Variants in SLC12A8 observed in about 807,000 individuals in gnomAD.
The protein encoded by SLC12A8 is cation-chloride cotransporter 9.
A neutral mutation model predicts 75.6 loss-of-function variants in SLC12A8; 69 were observed. The observed-to-expected ratio is 0.91, with a 90% CI of 0.75 to 1.11. The LOEUF is 1.11. Among genes scored for constraint, SLC12A8 ranks in the 50% most tolerant of loss-of-function variants. The pLI, the probability that SLC12A8 is intolerant of heterozygous loss-of-function variation, is 0.00. For missense variants in SLC12A8, 877 were observed against 896.7 expected, an observed-to-expected ratio of 0.98 and a Z score of 0.28; for synonymous variants, 365 against 372.8, an observed-to-expected ratio of 0.98 and a Z score of 0.24.
rs1460221372 is a variant in SLC12A8 at position 125,190,499 on chromosome 3, G to A, written c.74C>T (p.Pro25Leu). ...CATGAACAGCTGGGTCTTCCACCAG[G>A]GCTGGGGCTGGGCCAGGGCATCCTG... Reference protein sequence around the residue: ...AQQDALAQPQPWWKTQLFMWE... With the variant: ...AQQDALAQPQLWWKTQLFMWE... Residue 25 changes from proline to leucine, a missense_variant, in exon 3 of 14, where the codon CCC becomes CTC. Coordinates refer to ENST00000469902, the MANE Select transcript of SLC12A8 (RefSeq NM_024628.6). 5.6e-6 allele frequency: 9 copies of A among 1,614,180 alleles called. No homozygotes were observed. In the East Asian group the frequency reaches 2.0e-4, roughly 36 times the overall value.
chr3:125,125,191 A>C (rs967112104), intron 6 of SLC12A8, among the ~76,000 whole-genome samples: 2 of 151,318 alleles, frequency 1.3e-5, no homozygotes, highest in African/African-American at 2.4e-5. Context: ...TTTGGGAAAC[A>C]CTCAGTGCCC....
At chr3:125,149,850 AG>A (rs1227176637) in intron 5 of SLC12A8, among the ~76,000 whole-genome samples, 2 of 152,196 alleles carry the variant, frequency 1.3e-5, no homozygotes, top group Non-Finnish European at 2.9e-5. Flanking sequence ...GAGGGAGAGC[AG>A]GTGGATTTTG....
chr3:125,095,759 T>A (rs1333189581), intron 10 of SLC12A8, among the ~76,000 whole-genome samples: 1 of 152,254 alleles, frequency 6.6e-6, no homozygotes, highest in African/African-American at 2.4e-5. Context: ...GGCAGGAGCC[T>A]GGATCCCTGA....
chr3:125,084,880 G>A (rs895854818), intron 13 of SLC12A8, among the ~76,000 whole-genome samples: 14 of 152,118 alleles, frequency 9.2e-5, no homozygotes, highest in Admixed American at 3.9e-4. Context: ...CCTTAGACAT[G>A]GATTTCCTCT....
At chr3:125,176,955 C>T (rs1288246770) in intron 5 of SLC12A8, among the ~76,000 whole-genome samples, 1 of 151,808 alleles carries the variant, frequency 6.6e-6, no homozygotes, top group Non-Finnish European at 1.5e-5. Flanking sequence ...TACCATTTGA[C>T]CCAGCCATCC....
At chr3:125,181,849 T>C (rs1359201102) in intron 4 of SLC12A8, among the ~76,000 whole-genome samples, 2 of 151,330 alleles carry the variant, frequency 1.3e-5, no homozygotes, top group Admixed American at 1.3e-4. Flanking sequence ...AATGCAAAAA[T>C]ATAGACTATT....
intron 2 of SLC12A8, among the ~76,000 whole-genome samples, chr3:125,202,204 C>A (rs1014961873): frequency 6.6e-6 from 1 of 152,228 alleles, no homozygotes; most frequent in African/African-American, 2.4e-5. Context: ...GCCACCTCGC[C>A]CAGCCGTATG....
At chr3:125,185,608 C>T (rs1031046423) in intron 4 of SLC12A8, among the ~76,000 whole-genome samples, 1 of 152,216 alleles carries the variant, frequency 6.6e-6, no homozygotes, top group Non-Finnish European at 1.5e-5. Context: ...CACCTTCCAA[C>T]TCAGTCTACG....
At chr3:125,199,894 A>G in intron 2 of SLC12A8, among the ~76,000 whole-genome samples, 1 of 152,208 alleles carries the variant, frequency 6.6e-6, no homozygotes, top group East Asian at 1.9e-4. Context: ...AATGGAAGGA[A>G]GTGTATGTGT....
chr3:125,119,703 G>A (rs1238848956), intron 7 of SLC12A8, among the ~76,000 whole-genome samples: 1 of 152,194 alleles, frequency 6.6e-6, no homozygotes, highest in African/African-American at 2.4e-5. Flanking sequence ...TGTACGCCAG[G>A]CTGATAGCAA....
rs745391490 is a variant in SLC12A8 at position 125,118,782 on chromosome 3, A to T, written c.899T>A (p.Leu300Gln). The T allele has an allele frequency of 6.2e-7, 1 of 1,613,604 alleles. No homozygotes were observed. The highest frequency in any genetic ancestry group is 2.2e-5 in the East Asian group (1 of 44,882). ...GGCCTCACTCACCTTTTCCGCTATCAGGAAGTCATAGCGAAGGGCCTCTCG... is the reference window on the plus strand; with the variant it reads ...GGCCTCACTCACCTTTTCCGCTATCTGGAAGTCATAGCGAAGGGCCTCTCG... ...CTREALRYDF[L>Q]IAEKVSLMGF... is the part of the protein sequence containing the mutation. Residue 300 changes from leucine (L) to glutamine (Q), a missense_variant, in exon 8 of 14, where the codon CTG (leucine) becomes CAG (glutamine). Leu to Gln is a moderately radical substitution (Grantham distance 113). Coordinates refer to ENST00000469902, the MANE Select transcript of SLC12A8 (RefSeq NM_024628.6).
At chr3:125,146,764 C>T (rs1181133363) in intron 5 of SLC12A8, among the ~76,000 whole-genome samples, 8 of 152,222 alleles carry the variant, frequency 5.3e-5, no homozygotes, top group Non-Finnish European at 1.5e-5. Flanking sequence ...TTCAGCCTCC[C>T]GACTAGCTGG....
intron 2 of SLC12A8, among the ~76,000 whole-genome samples, chr3:125,195,733 A>G (rs1401765896): frequency 6.6e-6 from 1 of 152,154 alleles, no homozygotes; most frequent in Non-Finnish European, 1.5e-5. Flanking sequence ...TTGATGCCGA[A>G]GTTCTGCCTC....
At chr3:125,185,646 C>T (rs940133377) in intron 4 of SLC12A8, among the ~76,000 whole-genome samples, 12 of 152,190 alleles carry the variant, frequency 7.9e-5, no homozygotes, top group African/African-American at 2.9e-4. Context: ...ACACCAAAAC[C>T]AGACAAAGAA....
intron 10 of SLC12A8, among the ~76,000 whole-genome samples, chr3:125,092,932 C>T (rs1337962502): frequency 2.0e-5 from 3 of 152,088 alleles, no homozygotes; most frequent in Non-Finnish European, 4.4e-5. Context: ...TAGTGTAAGC[C>T]TCACCCAAAT....
intron 9 of SLC12A8, among the ~76,000 whole-genome samples, chr3:125,108,334 A>G (rs570830162): frequency 6.6e-6 from 1 of 152,312 alleles, no homozygotes; most frequent in African/African-American, 2.4e-5. Flanking sequence ...GACATGCAGT[A>G]AGCTCCACAG....
chr3:125,108,774 G>A (rs1485898064), intron 9 of SLC12A8, among the ~76,000 whole-genome samples: 1 of 152,154 alleles, frequency 6.6e-6, no homozygotes, highest in East Asian at 1.9e-4. Flanking sequence ...GAAAATCAAA[G>A]AAATGCAAAG....
At chr3:125,134,294 G>C (rs1933435760) in intron 6 of SLC12A8, among the ~76,000 whole-genome samples, 1 of 151,784 alleles carries the variant, frequency 6.6e-6, no homozygotes, top group African/African-American at 2.4e-5. Context: ...ATTTTTAGTA[G>C]AGATGGGGTT....
At chr3:125,154,398 C>A (rs1367919088) in intron 5 of SLC12A8, among the ~76,000 whole-genome samples, 2 of 152,174 alleles carry the variant, frequency 1.3e-5, no homozygotes, top group African/African-American at 2.4e-5. Flanking sequence ...TGCTTACCAG[C>A]TGGATAACTG....
Sources: allele counts gnomAD v4.1 joint callset (sites outside exome capture counted in the v4.1 genomes callset), GRCh38; gene constraint gnomAD v4.1.1; transcripts MANE v1.5; gene names NCBI Gene and HGNC (gene_info 2026-07-23, HGNC 2026-07-21).